Variants in CCDC33 observed in about 807,000 individuals in gnomAD.
CCDC33 encodes the protein coiled-coil domain-containing protein 33.
CCDC33 carries 94 observed loss-of-function variants against 91.9 expected under a neutral mutation model. The observed-to-expected ratio is 1.02, with a 90% CI of 0.87 to 1.21. The LOEUF (loss-of-function observed/expected upper bound fraction) is 1.21. Ranked by LOEUF, CCDC33 falls within the 50% of genes most tolerant of loss-of-function variation. The pLI is 0.00. For synonymous variants in CCDC33, 396 were observed against 374.5 expected, an observed-to-expected ratio of 1.06 and a Z score of -0.66; for missense variants, 940 against 935.5, an observed-to-expected ratio of 1.00 and a Z score of -0.06.
intron 11 of CCDC33, among the ~76,000 whole-genome samples, chr15:74,305,792 G>A (rs773305072): frequency 1.2e-4 from 18 of 152,152 alleles, no homozygotes; most frequent in Middle Eastern, 3.4e-3. Flanking sequence ...TGGTTATCTC[G>A]CCCCACAGAT....
intron 1 of CCDC33, chr15:74,207,859 A>T: frequency 1.3e-6 from 2 of 1,525,990 alleles, no homozygotes; most frequent in Non-Finnish European, 1.8e-6. Flanking sequence ...CACCAGACCA[A>T]GTCTGACTCC....
chr15:74,266,190 ACTTT>A (rs2142395347), intron 3 of CCDC33, among the ~76,000 whole-genome samples: 1 of 152,302 alleles, frequency 6.6e-6, no homozygotes, highest in African/African-American at 2.4e-5. Context: ...TGAGCAGATC[ACTTT>A]TTCTTACTGA....
At chr15:74,204,442 C>T (rs2074209821) in intron 1 of CCDC33, among the ~76,000 whole-genome samples, 1 of 152,210 alleles carries the variant, frequency 6.6e-6, no homozygotes, top group Non-Finnish European at 1.5e-5. Context: ...AGCTGGGCTT[C>T]CCAGAGTCCC....
At chr15:74,253,885 T>G (rs976610745) in intron 2 of CCDC33, among the ~76,000 whole-genome samples, 2 of 152,054 alleles carry the variant, frequency 1.3e-5, no homozygotes, top group African/African-American at 4.8e-5. Context: ...AATTATTAGG[T>G]TTTTTTAATG....
At chr15:74,217,284 G>A (rs1257536902) in exon 1 of CCDC33, 1 of 1,273,958 alleles carries the variant, frequency 7.8e-7, no homozygotes, top group East Asian at 5.6e-5. Flanking sequence ...GGCATTCAGG[G>A]GGCCTGAACC....
intron 11 of CCDC33, chr15:74,318,478 C>T: frequency 1.7e-6 from 1 of 577,750 alleles, no homozygotes; most frequent in Admixed American, 3.7e-5. Context: ...GAAGTGGCCC[C>T]ATGGGCCTGC....
intron 5 of CCDC33, among the ~76,000 whole-genome samples, chr15:74,269,397 G>A (rs1417185403): frequency 6.6e-6 from 1 of 152,094 alleles, no homozygotes; most frequent in East Asian, 1.9e-4. Context: ...TGAGACCCAA[G>A]GGGAGTATGG....
In CCDC33 at chr15:74,280,079, C is replaced by T; in HGVS notation, c.876C>T (p.Tyr292=). 6.2e-7 allele frequency: 1 copy of T among 1,614,062 alleles called. No individual in the cohort carries two copies. Among genetic ancestry groups the T allele is most frequent in the Non-Finnish European group, 8.5e-7 (1 of 1,179,948 alleles). The change falls in exon 8 of 19, where the codon TAC becomes TAT. Residue 292 remains tyrosine, a synonymous_variant. Coordinates refer to ENST00000398814, the MANE Select transcript of CCDC33 (RefSeq NM_025055.5). The part of the protein sequence containing the change: ...SEDTALVLEY[Y]SSTSMKGSQP... Reference sequence around the variant, plus strand: ...ACACAGCCCTGGTGCTGGAGTACTACTCCTCAACTTCAAGTACGTGACCCC... The same window carrying T: ...ACACAGCCCTGGTGCTGGAGTACTATTCCTCAACTTCAAGTACGTGACCCC...
chr15:74,266,860 G>A (rs909391362), intron 4 of CCDC33, 73 bp downstream of exon 4: 8 of 1,171,608 alleles, frequency 6.8e-6, no homozygotes, highest in African/African-American at 3.0e-5. Context: ...CTATTCCCTC[G>A]GAGCAGCCCT....
At chr15:74,306,029 G>T (rs2059887803) in intron 11 of CCDC33, among the ~76,000 whole-genome samples, 1 of 152,174 alleles carries the variant, frequency 6.6e-6, no homozygotes, top group Admixed American at 6.5e-5. Context: ...TTTGCAGGAG[G>T]CTTATTAATA....
intron 11 of CCDC33, chr15:74,318,674 G>T (rs368739129): frequency 1.3e-6 from 1 of 760,990 alleles, no homozygotes; most frequent in Non-Finnish European, 2.4e-6. Context: ...TCGCCCCCTC[G>T]CCCACTGGTT....
intron 2 of CCDC33, among the ~76,000 whole-genome samples, chr15:74,256,906 G>A (rs1015793911): frequency 6.6e-6 from 1 of 152,208 alleles, no homozygotes; most frequent in African/African-American, 2.4e-5. Flanking sequence ...TGAAGTGTGA[G>A]TAGTGGTGGG....
chr15:74,268,224 T>C, intron 4 of CCDC33, 118 bp from the exon 5 acceptor site: 1 of 735,498 alleles, frequency 1.4e-6, no homozygotes, highest in Non-Finnish European at 2.5e-6. Context: ...AATTATCAGC[T>C]CGGAGCCCCA....
chr15:74,334,193 T>C (rs1249465053), intron 17 of CCDC33, among the ~76,000 whole-genome samples: 12 of 130,510 alleles, frequency 9.2e-5, no homozygotes, highest in East Asian at 5.0e-4. Context: ...CAACCAGGGT[T>C]AGAGTTCAGT....
intron 6 of CCDC33, among the ~76,000 whole-genome samples, chr15:74,272,523 C>G (rs2076345229): frequency 6.6e-6 from 1 of 152,228 alleles, no homozygotes; most frequent in Non-Finnish European, 1.5e-5. Context: ...AGATGACTCC[C>G]CTACTTCTCT....
At position 74,238,300 on chromosome 15, in the gene CCDC33, C is replaced by T. The variant is rs941501403; in HGVS notation, c.21+1560C>T. On this transcript the variant is annotated intron_variant, in intron 1 of 18. Transcript: ENST00000398814. ...GCGGGCACCTGTAATCCCAGCTACT[C>T]GGGAGGCTGAGACAGGAGAATTGCT... 2.0e-5 allele frequency among the ~76,000 whole-genome samples: 3 copies of T among 151,048 alleles called. 1 individual carries two copies. The highest frequency in any genetic ancestry group is 2.0e-4 in the East Asian group (1 of 5,128).
In CCDC33 at chr15:74,330,193, T is replaced by G; in HGVS notation, c.1295T>G (p.Met432Arg). ...TCTGGGCTCTGGGATCCACAGGAGA[T>G]GAACAACTACCGGCGGGCCATGCAG... ...LVPEMSHDTE[M>R]NNYRRAMQKM... Residue 432 changes from methionine to arginine, a missense_variant, in exon 12 of 19, where the codon ATG (methionine) becomes AGG (arginine). Coordinates refer to ENST00000398814, the MANE Select transcript of CCDC33 (RefSeq NM_025055.5). 6.2e-7 allele frequency: 1 copy of G among 1,602,704 alleles called. No individual in the cohort carries two copies. Among genetic ancestry groups the G allele is most frequent in the Non-Finnish European group, 8.5e-7 (1 of 1,173,308 alleles).
chr15:74,287,499 C>T (rs1367709724), intron 10 of CCDC33, among the ~76,000 whole-genome samples: 1 of 151,048 alleles, frequency 6.6e-6, no homozygotes, highest in Non-Finnish European at 1.5e-5. Flanking sequence ...GAGCTCTTCC[C>T]ATCCCATCCA....
At chr15:74,280,904 TC>T in intron 9 of CCDC33, 103 bp downstream of exon 9, 1 of 1,183,930 alleles carries the variant, frequency 8.4e-7, no homozygotes, top group Non-Finnish European at 1.1e-6. Flanking sequence ...ATTTGGCTTC[TC>T]CAGAAGCTTC....
Sources: allele counts gnomAD v4.1 joint callset (sites outside exome capture counted in the v4.1 genomes callset), GRCh38; gene constraint gnomAD v4.1.1; transcripts MANE v1.5; gene names NCBI Gene and HGNC (gene_info 2026-07-23, HGNC 2026-07-21).